Variants in SLC9A9 observed in about 807,000 individuals in gnomAD.
SLC9A9 encodes the protein sodium/hydrogen exchanger 9.
Under a neutral mutation model 77.8 loss-of-function variants are expected in SLC9A9, and 62 were observed. That is an observed-to-expected ratio of 0.80 (90% CI 0.65 to 0.98). SLC9A9 has a LOEUF of 0.98. Among genes scored for constraint, SLC9A9 ranks in the 50% least tolerant of loss-of-function variants. The pLI is 0.00. For missense variants in SLC9A9, 775 were observed against 774.9 expected (o/e 1.00, Z 0.00); for synonymous variants, 320 against 283.5 (o/e 1.13, Z -1.29).
intron 4 of SLC9A9, among the ~76,000 whole-genome samples, chr3:143,742,115 T>C (rs569143235): frequency 1.4e-4 from 21 of 152,200 alleles, no homozygotes; most frequent in African/African-American, 4.8e-4. Flanking sequence ...TTGCAGACCC[T>C]GCACTTGATG....
chr3:143,409,351 CAAG>C (rs1304767510), intron 12 of SLC9A9, among the ~76,000 whole-genome samples: 1 of 152,178 alleles, frequency 6.6e-6, no homozygotes, highest in African/African-American at 2.4e-5. Flanking sequence ...GGTGACACAG[CAAG>C]AAGGAGTAAC....
chr3:143,844,651 G>A (rs1312355128), intron 1 of SLC9A9, among the ~76,000 whole-genome samples: 1 of 152,122 alleles, frequency 6.6e-6, no homozygotes. Context: ...GACTGTTACA[G>A]TCTACTCTCA....
chr3:143,826,396 T>C (rs1368319359), intron 2 of SLC9A9, among the ~76,000 whole-genome samples: 1 of 152,182 alleles, frequency 6.6e-6, no homozygotes, highest in Non-Finnish European at 1.5e-5. Flanking sequence ...CAGAGGAAGC[T>C]GTTTTTCCTC....
intron 4 of SLC9A9, among the ~76,000 whole-genome samples, chr3:143,711,050 T>G (rs1934130488): frequency 6.6e-6 from 1 of 152,236 alleles, no homozygotes; most frequent in Non-Finnish European, 1.5e-5. Flanking sequence ...TAAAATATGT[T>G]ATTATTAGTG....
chr3:143,578,455 G>A (rs1417633122), intron 7 of SLC9A9, 130 bp downstream of exon 7: 3 of 1,373,918 alleles, frequency 2.2e-6, no homozygotes, highest in Admixed American at 1.9e-5. Context: ...TGGCACCAGT[G>A]GTGCCGTATG....
intron 6 of SLC9A9, among the ~76,000 whole-genome samples, chr3:143,588,829 G>A (rs1028753834): frequency 6.6e-6 from 1 of 152,096 alleles, no homozygotes; most frequent in Non-Finnish European, 1.5e-5. Context: ...ACTACTGTGG[G>A]CCTATTCATT....
intron 15 of SLC9A9, 64 bp downstream of exon 15, chr3:143,268,811 G>T: frequency 1.7e-6 from 2 of 1,210,422 alleles, no homozygotes; most frequent in Non-Finnish European, 2.4e-6. Context: ...TGGGCTCATC[G>T]ATATTCACCA....
chr3:143,339,366 T>C (rs1016176044), intron 14 of SLC9A9, among the ~76,000 whole-genome samples: 1 of 152,166 alleles, frequency 6.6e-6, no homozygotes, highest in African/African-American at 2.4e-5. Context: ...CAGCTGCATA[T>C]GAGGTGAGTG....
At chr3:143,694,039 T>C (rs576355554) in intron 4 of SLC9A9, among the ~76,000 whole-genome samples, 1 of 152,278 alleles carries the variant, frequency 6.6e-6, no homozygotes, top group Non-Finnish European at 1.5e-5. Flanking sequence ...TGATTGATTT[T>C]GCTAAGATCC....
rs143725672 is a variant in SLC9A9 at position 143,531,360 on chromosome 3, T to A, written c.1089+21002A>T. On this transcript the variant is annotated intron_variant, in intron 9 of 15. Transcript: ENST00000316549. ...CCTGGTGAATAGAGCTGAATTTTAT[T>A]TATTTGAGTTCATCTCAGAACAGTG... Among the ~76,000 whole-genome samples the A allele has an allele frequency of 2.0e-3, 312 of 152,316 alleles. 2 individuals carry two copies. Among genetic ancestry groups the A allele is most frequent in the African/African-American group, 6.9e-3 (288 of 41,558 alleles).
intron 5 of SLC9A9, among the ~76,000 whole-genome samples, chr3:143,677,985 C>T (rs1295921638): frequency 6.6e-6 from 1 of 152,252 alleles, no homozygotes; most frequent in East Asian, 1.9e-4. Context: ...TGCCACCATG[C>T]CCAGCTAATG....
At chr3:143,517,330 C>T (rs2036218697) in intron 9 of SLC9A9, 1 of 1,227,000 alleles carries the variant, frequency 8.1e-7, no homozygotes, top group East Asian at 2.3e-5. Context: ...TGCCCCCTCC[C>T]ATTCCAGGCA....
intron 2 of SLC9A9, among the ~76,000 whole-genome samples, chr3:143,816,446 A>T (rs2009020345): frequency 6.6e-6 from 1 of 152,224 alleles, no homozygotes. Flanking sequence ...TGAATATAAA[A>T]GGCATCCTCT....
intron 14 of SLC9A9, among the ~76,000 whole-genome samples, chr3:143,350,251 C>T (rs2108472845): frequency 6.6e-6 from 1 of 152,258 alleles, no homozygotes; most frequent in Non-Finnish European, 1.5e-5. Context: ...GATTTGAGGC[C>T]AGAGTTTTCT....
At chr3:143,775,609 C>T (rs567411314) in intron 4 of SLC9A9, among the ~76,000 whole-genome samples, 14 of 152,154 alleles carry the variant, frequency 9.2e-5, no homozygotes, top group African/African-American at 1.7e-4. Context: ...GCTGGTGTAC[C>T]GTGTACCATT....
At chr3:143,447,420 T>C (rs1413541753) in intron 12 of SLC9A9, among the ~76,000 whole-genome samples, 1 of 152,236 alleles carries the variant, frequency 6.6e-6, no homozygotes, top group African/African-American at 2.4e-5. Flanking sequence ...TGTGTTTCTT[T>C]TGTTGCCAGT....
At chr3:143,645,472 T>G (rs1384945408) in intron 6 of SLC9A9, among the ~76,000 whole-genome samples, 1 of 152,180 alleles carries the variant, frequency 6.6e-6, no homozygotes, top group East Asian at 1.9e-4. Context: ...ATCCAGTCTT[T>G]GTCACCAACA....
At chr3:143,751,988 G>C (rs2006735918) in intron 4 of SLC9A9, among the ~76,000 whole-genome samples, 1 of 152,190 alleles carries the variant, frequency 6.6e-6, no homozygotes. Context: ...TGGGGAGAGG[G>C]AAGAACCAGG....
intron 4 of SLC9A9, among the ~76,000 whole-genome samples, chr3:143,791,371 T>G (rs779758904): frequency 6.6e-6 from 1 of 152,226 alleles, no homozygotes. Flanking sequence ...CCCAATGATC[T>G]CCATTCCTGT....
Sources: allele counts gnomAD v4.1 joint callset (sites outside exome capture counted in the v4.1 genomes callset), GRCh38; gene constraint gnomAD v4.1.1; transcripts MANE v1.5; gene names NCBI Gene and HGNC (gene_info 2026-07-23, HGNC 2026-07-21).